Variants in CNTN5 observed in about 807,000 individuals in gnomAD.
CNTN5 encodes contactin-5.
A neutral mutation model predicts 129.1 loss-of-function variants in CNTN5; 77 were observed. The ratio of observed to expected loss-of-function variants is 0.60; its 90% confidence interval spans 0.50 to 0.72. CNTN5 has a LOEUF of 0.72. Ranked by LOEUF, CNTN5 falls within the 30% of genes least tolerant of loss-of-function variation. CNTN5 has a pLI of 0.00. For synonymous variants in CNTN5, 509 were observed against 465.6 expected (o/e 1.09, Z -1.20); for missense variants, 1,478 against 1,328.8 (o/e 1.11, Z -1.75).
chr11:100,025,485 T>A (rs1319456073), intron 9 of CNTN5, among the ~76,000 whole-genome samples: 1 of 152,154 alleles, frequency 6.6e-6, no homozygotes, highest in Non-Finnish European at 1.5e-5. Flanking sequence ...ACTGTAGCTG[T>A]GAGAAGCGGT....
intron 2 of CNTN5, among the ~76,000 whole-genome samples, chr11:99,368,179 A>C (rs977299100): frequency 1.3e-5 from 2 of 151,808 alleles, no homozygotes; most frequent in African/African-American, 4.8e-5. Flanking sequence ...TCTTCCCCCC[A>C]TTTTACTATT....
intron 9 of CNTN5, among the ~76,000 whole-genome samples, chr11:100,040,698 A>G (rs955933832): frequency 7.9e-5 from 12 of 152,012 alleles, no homozygotes; most frequent in Non-Finnish European, 4.4e-5. Flanking sequence ...CCCCAGCCTC[A>G]CTGCCGCCTT....
At chr11:100,266,470 AAT>A (rs1330616606) in intron 17 of CNTN5, among the ~76,000 whole-genome samples, 1 of 152,136 alleles carries the variant, frequency 6.6e-6, no homozygotes, top group East Asian at 1.9e-4. Context: ...TAATCTCCAT[AAT>A]ATTGCATTTC....
chr11:99,384,340 T>C, intron 2 of CNTN5, among the ~76,000 whole-genome samples: 1 of 152,186 alleles, frequency 6.6e-6, no homozygotes, highest in East Asian at 1.9e-4. Flanking sequence ...GTTCAAGTTG[T>C]AAAAATACAA....
rs971382117 is a variant in CNTN5 at position 100,239,186 on chromosome 11, A to G, written c.2005+14374A>G. 2.0e-5 allele frequency among the ~76,000 whole-genome samples: 3 copies of G among 152,352 alleles called. No homozygotes were observed. In the East Asian group the frequency reaches 5.8e-4, roughly 29 times the overall value. ...ACATCCATCCTTGAGCAAAATTGTA[A>G]TGGATATCTTAGTTTACAGAAGGAC... On this transcript the variant is annotated intron_variant, in intron 16 of 24. Transcript: ENST00000524871.
At chr11:99,733,321 CAAA>C (rs35576351) in intron 3 of CNTN5, among the ~76,000 whole-genome samples, 36 of 96,140 alleles carry the variant, frequency 3.7e-4, no homozygotes, top group South Asian at 4.0e-4. Context: ...GATTCTGTCT[CAAA>C]AAAAAAAAAA....
intron 18 of CNTN5, among the ~76,000 whole-genome samples, chr11:100,286,280 T>C (rs1950788660): frequency 6.6e-6 from 1 of 152,188 alleles, no homozygotes; most frequent in South Asian, 2.1e-4. Flanking sequence ...AGCCTGCCTC[T>C]GTAGGCTCCA....
chr11:99,608,335 C>G (rs554196100), intron 3 of CNTN5, among the ~76,000 whole-genome samples: 1 of 152,184 alleles, frequency 6.6e-6, no homozygotes, highest in African/African-American at 2.4e-5. Context: ...CAAGAATGAT[C>G]AGGTCTACAA....
chr11:99,812,524 G>A (rs1164247911), intron 3 of CNTN5, among the ~76,000 whole-genome samples: 1 of 152,100 alleles, frequency 6.6e-6, no homozygotes, highest in African/African-American at 2.4e-5. Context: ...ACTGTTTTCT[G>A]TATATTACTT....
chr11:100,204,342 AT>A (rs1948868936), intron 15 of CNTN5, among the ~76,000 whole-genome samples: 8 of 117,462 alleles, frequency 6.8e-5, no homozygotes, highest in African/African-American at 2.7e-4. Context: ...ATATATATAT[AT>A]AATTATAGGC....
At chr11:99,988,838 GGTGTGTGTGTGTTTGTGTGTGTGT>G (rs1055217779) in intron 8 of CNTN5, among the ~76,000 whole-genome samples, 9 of 108,534 alleles carry the variant, frequency 8.3e-5, no homozygotes, top group African/African-American at 3.0e-4. Context: ...TTCCAGATGG[GGTGTGTGTGTGTTTGTGTGTGTGT>G]GTGTGTGTGT....
intron 15 of CNTN5, among the ~76,000 whole-genome samples, chr11:100,194,051 T>C (rs1948571636): frequency 6.6e-6 from 1 of 151,976 alleles, no homozygotes; most frequent in Non-Finnish European, 1.5e-5. Flanking sequence ...ACAGTAATTT[T>C]TGGAGTTTCT....
intron 1 of CNTN5, among the ~76,000 whole-genome samples, chr11:99,294,772 G>A (rs759496550): frequency 1.3e-5 from 2 of 152,162 alleles, no homozygotes; most frequent in Non-Finnish European, 2.9e-5. Context: ...CACCACTGTC[G>A]ACGACGTTCA....
chr11:99,725,057 A>C (rs556098124), intron 3 of CNTN5, among the ~76,000 whole-genome samples: 1 of 152,222 alleles, frequency 6.6e-6, no homozygotes, highest in African/African-American at 2.4e-5. Context: ...TGAAGTCTCA[A>C]AATGGCCCAG....
chr11:99,905,656 A>T (rs10894139), intron 6 of CNTN5, among the ~76,000 whole-genome samples: 2 of 152,164 alleles, frequency 1.3e-5, no homozygotes, highest in East Asian at 1.9e-4. Flanking sequence ...ATTTAAAGTA[A>T]TTTTTTCTAA....
At chr11:99,315,827 C>T (rs191277839) in intron 1 of CNTN5, among the ~76,000 whole-genome samples, 1 of 148,498 alleles carries the variant, frequency 6.7e-6, no homozygotes, top group Non-Finnish European at 1.5e-5. Context: ...GATTTTTTTT[C>T]ATAGAGTATT....
intron 3 of CNTN5, among the ~76,000 whole-genome samples, chr11:99,657,180 A>G (rs554661725): frequency 1.1e-4 from 16 of 152,284 alleles, no homozygotes; most frequent in Admixed American, 4.6e-4. Context: ...GTAAATTACA[A>G]AAAACATTCC....
chr11:99,871,815 A>G (rs1049374124), intron 6 of CNTN5, among the ~76,000 whole-genome samples: 4 of 152,026 alleles, frequency 2.6e-5, no homozygotes, highest in African/African-American at 9.7e-5. Flanking sequence ...CTTCTGATTA[A>G]ATCTAGTGAT....
chr11:99,616,818 C>T (rs1376796830), intron 3 of CNTN5, among the ~76,000 whole-genome samples: 1 of 152,124 alleles, frequency 6.6e-6, no homozygotes, highest in Non-Finnish European at 1.5e-5. Context: ...CTTTAAAAAA[C>T]TGTCAATTAT....
Sources: allele counts gnomAD v4.1 joint callset (sites outside exome capture counted in the v4.1 genomes callset), GRCh38; gene constraint gnomAD v4.1.1; transcripts MANE v1.5; gene names NCBI Gene and HGNC (gene_info 2026-07-23, HGNC 2026-07-21).